DYNC2H1: variants seen among roughly 807,000 people sequenced by gnomAD.
DYNC2H1 encodes the protein cytoplasmic dynein 2 heavy chain 1.
A neutral mutation model predicts 570.0 loss-of-function variants in DYNC2H1; 410 were observed. The ratio of observed to expected loss-of-function variants is 0.72; its 90% CI spans 0.66 to 0.78. The LOEUF is 0.78. DYNC2H1 is among the 30% of genes least tolerant of loss of function. DYNC2H1 has a pLI of 0.00. For synonymous variants in DYNC2H1, 1,688 were observed against 1,677.6 expected (o/e 1.01, Z -0.15); for missense variants, 4,865 against 5,046.4 (o/e 0.96, Z 1.09).
At position 103,196,324 on chromosome 11, in the gene DYNC2H1, C is replaced by T. The variant is rs547606429; in HGVS notation, c.7709-1609C>T. On this transcript the variant is annotated intron_variant, in intron 47 of 88. Transcript: ENST00000375735. ...TACATGTGCTTTGAATGTTTGCAAT[C>T]TTTCTTCATGTCTTTTGGAAATCTA... Among the ~76,000 whole-genome samples, 26 of 152,198 alleles carry T rather than the reference C, an allele frequency of 1.7e-4. No homozygotes were observed. In the South Asian group the frequency reaches 5.4e-3, roughly 32 times the overall value.
At chr11:103,361,874 G>T (rs145791424) in intron 83 of DYNC2H1, among the ~76,000 whole-genome samples, 2 of 152,272 alleles carry the variant, frequency 1.3e-5, no homozygotes. Flanking sequence ...TAACTAGGCC[G>T]AATAGCTTCT....
intron 30 of DYNC2H1, among the ~76,000 whole-genome samples, chr11:103,164,505 A>G (rs1861219528): frequency 6.6e-6 from 1 of 152,200 alleles, no homozygotes; most frequent in South Asian, 2.1e-4. Flanking sequence ...ATGGACCTGA[A>G]ATAATGGTAG....
At chr11:103,365,902 C>T (rs1022251739) in intron 83 of DYNC2H1, among the ~76,000 whole-genome samples, 6 of 152,124 alleles carry the variant, frequency 3.9e-5, no homozygotes, top group African/African-American at 1.2e-4. Context: ...CTTTAATAGA[C>T]GCAGATAAGA....
Position 103,268,152 on chromosome 11 carries a change from T to C in DYNC2H1, c.10695+8175T>C, listed in dbSNP as rs1372190925. On this transcript the variant is annotated intron_variant, in intron 70 of 88. Transcript: ENST00000375735. This position sits in a 1 kb window ranked among gnomAD's most constrained non-coding sequence, Gnocchi z 4.6. ...GGATTGCTTTATAAATCTTATTGAA[T>C]ATTAGCAGATTGCTTTCTGAAAAGC... 6.6e-6 allele frequency among the ~76,000 whole-genome samples: 1 copy of C among 152,070 alleles called. No individual in the cohort carries two copies. Among genetic ancestry groups the C allele is most frequent in the African/African-American group, 2.4e-5 (1 of 41,452 alleles).
intron 85 of DYNC2H1, among the ~76,000 whole-genome samples, chr11:103,449,246 A>C (rs570510704): frequency 3.0e-4 from 45 of 152,154 alleles, no homozygotes; most frequent in Non-Finnish European, 5.9e-4. Context: ...AGTGAGGGGC[A>C]ATGGGTTTAG....
chr11:103,361,106 G>C (rs1940613022), intron 83 of DYNC2H1, among the ~76,000 whole-genome samples: 1 of 152,190 alleles, frequency 6.6e-6, no homozygotes, highest in South Asian at 2.1e-4. Flanking sequence ...GGATAGAGTA[G>C]ATGAGGTAAG....
Position 103,380,297 on chromosome 11 carries a change from G to A in DYNC2H1, c.12157-19366G>A, listed in dbSNP as rs139361794. Reference sequence around the variant, plus strand: ...TTAGGTTTCTCATGTGTAAAAGAACGTAATAACCACTTCCCTCTCCAGTCA... The same window carrying A: ...TTAGGTTTCTCATGTGTAAAAGAACATAATAACCACTTCCCTCTCCAGTCA... On this transcript the variant is annotated intron_variant, in intron 83 of 88. Coordinates refer to ENST00000375735, the MANE Select transcript of DYNC2H1 (RefSeq NM_001377.3). Among the ~76,000 whole-genome samples, 44 of 152,176 alleles carry A rather than the reference G, an allele frequency of 2.9e-4. No individual in the cohort carries two copies. The East Asian group carries it at 7.9e-3, about 27-fold the overall frequency.
chr11:103,211,633 A>T (rs1163583236), intron 53 of DYNC2H1, among the ~76,000 whole-genome samples, 156 bp from the exon 54 acceptor site: 1 of 152,122 alleles, frequency 6.6e-6, no homozygotes, highest in Non-Finnish European at 1.5e-5. Context: ...GTTGTCTAGG[A>T]ATGCCTGTGC....
chr11:103,473,513 C>G (rs960148271), intron 88 of DYNC2H1, among the ~76,000 whole-genome samples: 4 of 152,110 alleles, frequency 2.6e-5, no homozygotes, highest in Admixed American at 6.6e-5. Context: ...TAATAATTCT[C>G]TATGAAAAAT....
In DYNC2H1 at chr11:103,200,114, T is replaced by A; in HGVS notation, c.8157T>A (p.His2719Gln). Reference sequence around the variant, plus strand: ...TTCTTGAGGATTACCAGTTTGTACATCCTACATTTTTGGAGATGATCAATA... The same window carrying A: ...TTCTTGAGGATTACCAGTTTGTACAACCTACATTTTTGGAGATGATCAATA... ...VLLLEDYQFVHPTFLEMINSL... is the reference protein window; with the variant it reads ...VLLLEDYQFVQPTFLEMINSL... Residue 2719 changes from histidine (H) to glutamine (Q), a missense_variant, in exon 50 of 89, where the codon CAT becomes CAA. By Grantham distance (24) the His-to-Gln change is conservative. Around this residue, in one of 5 missense-constraint regions of DYNC2H1, gnomAD observed 2,401 missense variants for 2,454.6 expected, o/e 0.98. Coordinates refer to ENST00000375735, the MANE Select transcript of DYNC2H1 (RefSeq NM_001377.3). The A allele has an allele frequency of 6.3e-7, 1 of 1,586,434 alleles. No individual in the cohort carries two copies. Among genetic ancestry groups the A allele is most frequent in the Non-Finnish European group, 8.6e-7 (1 of 1,165,400 alleles).
rs757912137 is a variant in DYNC2H1, at chr11:103,283,004, A to G, written c.10813-4A>G. On this transcript the variant is annotated splice_region_variant and splice_polypyrimidine_tract_variant and intron_variant, in intron 72 of 88. Transcript: ENST00000375735. The stretch of plus-strand genomic sequence containing the variant: ...ACTAAGGAAAATAATTGCTTTTATT[A>G]AAGGACTCTCAACAAAAAATACGTG... 1.9e-6 allele frequency: 3 copies of G among 1,596,556 alleles called. No homozygotes were observed. Among genetic ancestry groups the G allele is most frequent in the Non-Finnish European group, 2.6e-6 (3 of 1,171,740 alleles).
chr11:103,328,630 T>G (rs1298408483), intron 82 of DYNC2H1, among the ~76,000 whole-genome samples: 2 of 152,222 alleles, frequency 1.3e-5, no homozygotes, highest in South Asian at 2.1e-4. Flanking sequence ...TGTACAAATA[T>G]GAAGGCCAAA....
chr11:103,109,736 G>A lies in DYNC2H1; in HGVS notation c.162G>A (p.Gln54=). 6.2e-7 allele frequency: 1 copy of A among 1,613,768 alleles called. No homozygotes were observed. Among genetic ancestry groups the A allele is most frequent in the Non-Finnish European group, 8.5e-7 (1 of 1,179,808 alleles). The change falls in exon 1 of 89, where the codon CAG becomes CAA. Residue 54 remains glutamine, a synonymous_variant. Transcript: ENST00000375735. ...GCAACCAGATGCTCCTCAGGGTGCA[G>A]CGATCCGACGCAGGAATCTCCTTTT... ...DDGNQMLLRV[Q]RSDAGISFSN...
intron 82 of DYNC2H1, among the ~76,000 whole-genome samples, chr11:103,329,638 ACT>A (rs1293085596): frequency 6.6e-6 from 1 of 151,912 alleles, no homozygotes; most frequent in Non-Finnish European, 1.5e-5. Flanking sequence ...TTTTTTCTGT[ACT>A]CTCTTACAGG....
Position 103,253,406 on chromosome 11 carries a change from T to A in DYNC2H1, c.10164T>A (p.Thr3388=), listed in dbSNP as rs11225634. The change falls in exon 66 of 89, where the codon ACT becomes ACA. Residue 3388 remains threonine (T), a synonymous_variant. Coordinates refer to ENST00000375735, the MANE Select transcript of DYNC2H1 (RefSeq NM_001377.3). ...FIPPDAASIV[T]EVNFTTTRSG... ...CACCGGATGCAGCTTCCATTGTTAC[T>A]GAGGTTAACTTTACTACAACAAGAA... 1.1e-5 allele frequency: 17 copies of A among 1,612,916 alleles called. No homozygotes were observed. The highest frequency in any genetic ancestry group is 1.0e-4 in the Admixed American group (6 of 59,960).
intron 78 of DYNC2H1, among the ~76,000 whole-genome samples, chr11:103,308,916 G>A (rs760934553): frequency 1.3e-5 from 2 of 151,928 alleles, no homozygotes; most frequent in Non-Finnish European, 2.9e-5. Flanking sequence ...CAGATGTATG[G>A]TTTGCAAATA....
intron 59 of DYNC2H1, among the ~76,000 whole-genome samples, chr11:103,223,495 C>T (rs900875231): frequency 3.3e-5 from 5 of 151,854 alleles, no homozygotes; most frequent in African/African-American, 1.2e-4. Flanking sequence ...TCAAGCGATT[C>T]TCCTGTCTCA....
intron 70 of DYNC2H1, among the ~76,000 whole-genome samples, chr11:103,279,119 G>T (rs183906743): frequency 6.6e-6 from 1 of 152,160 alleles, no homozygotes; most frequent in East Asian, 1.9e-4. Flanking sequence ...ATTTAAGAGT[G>T]GTGTTTTTGA....
chr11:103,360,140 G>T (rs1004349267), intron 83 of DYNC2H1, among the ~76,000 whole-genome samples: 1 of 152,018 alleles, frequency 6.6e-6, no homozygotes, highest in African/African-American at 2.4e-5. Context: ...ACAAATTATA[G>T]AATATGTTGC....
Sources: allele counts gnomAD v4.1 joint callset (sites outside exome capture counted in the v4.1 genomes callset), GRCh38; gene constraint gnomAD v4.1.1; regional missense constraint gnomAD v4.1.1; non-coding constraint Gnocchi (gnomAD v3.1); transcripts MANE v1.5; gene names NCBI Gene and HGNC (gene_info 2026-07-23, HGNC 2026-07-21).